FZD6: variants seen among roughly 807,000 people sequenced by gnomAD.
FZD6 encodes the protein frizzled class receptor 6, also known as frizzled-6.
A neutral mutation model predicts 61.4 loss-of-function variants in FZD6; 49 were observed. The ratio of observed to expected loss-of-function variants is 0.80; its 90% CI spans 0.63 to 1.01. The LOEUF is 1.01. Among genes scored for constraint, FZD6 ranks in the 50% least tolerant of loss-of-function variants. The pLI is 0.00. For missense variants in FZD6, 724 were observed against 848.2 expected, an observed-to-expected ratio of 0.85 and a Z score of 1.82; for synonymous variants, 265 against 292.2, an observed-to-expected ratio of 0.91 and a Z score of 0.95.
chr8:103,321,928 C>T (rs999084752), intron 3 of FZD6, among the ~76,000 whole-genome samples: 3 of 152,146 alleles, frequency 2.0e-5, no homozygotes, highest in Non-Finnish European at 4.4e-5. Context: ...ATACTTCTTT[C>T]CTTACACTCA....
At position 103,329,850 on chromosome 8, in the gene FZD6, T is replaced by C. The variant is rs1375119136; in HGVS notation, c.1737T>C (p.Asp579=). 3.7e-6 allele frequency: 6 copies of C among 1,613,944 alleles called. No homozygotes were observed. In the Admixed American group the frequency reaches 1.0e-4, roughly 27 times the overall value. ...CTGCAGTAGCAATTACTAGCCATGA[T>C]TACCTAGGACAAGAAACTTTGACAG... The part of the protein sequence containing the change: ...GTSAVAITSH[D]YLGQETLTEI... Residue 579 remains aspartate, a synonymous_variant, in exon 6 of 7, where the codon GAT becomes GAC. Coordinates refer to ENST00000358755, the MANE Select transcript of FZD6 (RefSeq NM_003506.4).
At chr8:103,328,190 C>G in intron 4 of FZD6, 78 bp from the exon 5 acceptor site, 3 of 1,067,282 alleles carry the variant, frequency 2.8e-6, no homozygotes, top group Non-Finnish European at 4.3e-6. Flanking sequence ...AACTTTTGTT[C>G]GTTTTATATT....
chr8:103,298,517 A>G (rs1814035128), upstream of FZD6: 1 of 152,242 alleles, frequency 6.6e-6, no homozygotes, highest in South Asian at 2.1e-4. Context: ...GAAATCCGCA[A>G]GGAAGTGGGT....
At chr8:103,315,479 A>G (rs1814602736) in intron 2 of FZD6, among the ~76,000 whole-genome samples, 1 of 152,212 alleles carries the variant, frequency 6.6e-6, no homozygotes, top group African/African-American at 2.4e-5. Flanking sequence ...TCACAAAACA[A>G]TGATGCTAAG....
chr8:103,306,226 T>G (rs1165784474), intron 2 of FZD6, among the ~76,000 whole-genome samples: 1 of 152,208 alleles, frequency 6.6e-6, no homozygotes, highest in Admixed American at 6.5e-5. Context: ...ATGGAAATAA[T>G]GTAAATTCCT....
chr8:103,328,248 T>A lies in FZD6; in HGVS notation c.1393-20T>A, dbSNP rs1563694348. On this transcript the variant is annotated intron_variant, in intron 4 of 6. Coordinates refer to ENST00000358755, the MANE Select transcript of FZD6 (RefSeq NM_003506.4). ...TTTAAGTGCATCACTGAAAATATTATTATTCACTATTTTTTGTAGGCAAAA... is the reference window on the plus strand; with the variant it reads ...TTTAAGTGCATCACTGAAAATATTAATATTCACTATTTTTTGTAGGCAAAA... The A allele has an allele frequency of 6.3e-7, 1 of 1,583,830 alleles. No homozygotes were observed. The highest frequency in any genetic ancestry group is 8.7e-7 in the Non-Finnish European group (1 of 1,152,630).
intron 4 of FZD6, among the ~76,000 whole-genome samples, chr8:103,327,539 T>C (rs1167017873): frequency 6.6e-6 from 1 of 152,118 alleles, no homozygotes; most frequent in African/African-American, 2.4e-5. Flanking sequence ...GAGGTTGTAG[T>C]GAGCTGAGAT....
rs1360566064 is a variant in FZD6, at chr8:103,300,246, G to A, written c.139G>A (p.Gly47Ser). Reference protein sequence around the residue: ...YNMTFFPNLMGHYDQSIAAVE... With the variant: ...YNMTFFPNLMSHYDQSIAAVE... ...CATGACGTTTTTCCCTAATCTGATG[G>A]GTCATTATGACCAGAGTATTGCCGC... is the stretch of plus-strand genomic sequence containing the variant. Residue 47 changes from glycine (G) to serine (S), a missense_variant, in exon 2 of 7, where the codon GGT (glycine) becomes AGT (serine). Coordinates refer to ENST00000358755, the MANE Select transcript of FZD6 (RefSeq NM_003506.4). 1.9e-6 allele frequency: 3 copies of A among 1,612,234 alleles called. No homozygotes were observed. In the South Asian group the frequency reaches 3.3e-5, roughly 18 times the overall value.
intron 6 of FZD6, among the ~76,000 whole-genome samples, chr8:103,330,758 T>A (rs573471895): frequency 6.6e-6 from 1 of 152,342 alleles, no homozygotes; most frequent in East Asian, 1.9e-4. Context: ...GGGAAATCAA[T>A]AAAACATTTG....
In FZD6 at chr8:103,329,763, G is replaced by A. The variant is rs1815066690; in HGVS notation, c.1650G>A (p.Lys550=). 6.2e-7 allele frequency: 1 copy of A among 1,614,020 alleles called. No individual in the cohort carries two copies. The highest frequency in any genetic ancestry group is 8.5e-7 in the Non-Finnish European group (1 of 1,179,900). The part of the protein sequence containing the change: ...KKKHYKPSSH[K]LKVISKSMGT... ...AGCACTATAAACCAAGTTCACACAAGCTGAAGGTCATTTCCAAATCCATGG... is the reference window on the plus strand; with the variant it reads ...AGCACTATAAACCAAGTTCACACAAACTGAAGGTCATTTCCAAATCCATGG... Residue 550 remains lysine (K), a synonymous_variant, in exon 6 of 7, where the codon AAG becomes AAA. Transcript: ENST00000358755.
At chr8:103,308,975 A>T (rs1335896619) in intron 2 of FZD6, among the ~76,000 whole-genome samples, 3 of 152,148 alleles carry the variant, frequency 2.0e-5, no homozygotes, top group Non-Finnish European at 4.4e-5. Flanking sequence ...TTGATAAGTT[A>T]GATTAGTGTG....
intron 4 of FZD6, 79 bp downstream of exon 4, chr8:103,325,577 T>A (rs1814930173): frequency 8.3e-7 from 1 of 1,199,570 alleles, no homozygotes; most frequent in Non-Finnish European, 1.2e-6. Flanking sequence ...TTGTCATGGA[T>A]GTAAAAGTTG....
At chr8:103,307,633 C>A in intron 2 of FZD6, 2 of 386,932 alleles carry the variant, frequency 5.2e-6, no homozygotes, top group Non-Finnish European at 1.0e-5. Flanking sequence ...ATTATTTTGC[C>A]CTGGTCATTC....
chr8:103,331,758 G>A lies in FZD6; in HGVS notation c.*249G>A. The stretch of plus-strand genomic sequence containing the variant: ...TTTTTTAATAGTGTGGGAGGACAGA[G>A]TTAGAGGAATCTTCCTTTTCTATTT... On this transcript the variant is annotated 3_prime_UTR_variant, in exon 7 of 7. Transcript: ENST00000358755. 2.4e-6 allele frequency: 1 copy of A among 417,188 alleles called. No individual in the cohort carries two copies. Among genetic ancestry groups the A allele is most frequent in the South Asian group, 2.4e-5 (1 of 41,526 alleles). 25.8% of individuals were successfully genotyped at this position (417,188 alleles called of 1,614,324 possible). A position where few individuals can be genotyped will look rare whatever the true frequency, so the allele number is the denominator to read the frequency against.
At position 103,329,785 on chromosome 8, in the gene FZD6, A is replaced by G. The variant is rs1208095664; in HGVS notation, c.1672A>G (p.Met558Val). 2 of 1,614,060 alleles carry G rather than the reference A, an allele frequency of 1.2e-6. No homozygotes were observed. Among genetic ancestry groups the G allele is most frequent in the African/African-American group, 1.3e-5 (1 of 74,946 alleles). ...CAAGCTGAAGGTCATTTCCAAATCC[A>G]TGGGAACCAGCACAGGAGCTACAGC... Reference protein sequence around the residue: ...SHKLKVISKSMGTSTGATANH... With the variant: ...SHKLKVISKSVGTSTGATANH... The change falls in exon 6 of 7, where the codon ATG becomes GTG. Residue 558 changes from methionine to valine, a missense_variant. Physicochemically the swap from Met to Val is conservative, Grantham distance 21 (BLOSUM62 1). Transcript: ENST00000358755.
In FZD6 at chr8:103,318,751, T is replaced by TAAAATGCTTGA; in HGVS notation, c.339_340insAAAATGCTTGA (p.Gly114LysfsTer26). 1 of 1,609,870 alleles carries TAAAATGCTTGA rather than the reference T, an allele frequency of 6.2e-7. No individual in the cohort carries two copies. The highest frequency in any genetic ancestry group is 1.3e-5 in the African/African-American group (1 of 74,964). On this transcript the variant is annotated frameshift_variant, in exon 3 of 7. Coordinates refer to ENST00000358755, the MANE Select transcript of FZD6 (RefSeq NM_003506.4). LOFTEE classifies it high-confidence loss of function. ...ATTGCAAAAAATTAATTGACACTTT[T>TAAAATGCTTGA]GGGATCCGATGGCCTGAGGAGCTTG... is the stretch of plus-strand genomic sequence containing the variant.
At chr8:103,325,634 C>T (rs547965066) in intron 4 of FZD6, 136 bp downstream of exon 4, 3 of 742,342 alleles carry the variant, frequency 4.0e-6, no homozygotes, top group East Asian at 2.6e-5. Flanking sequence ...ATTTCCTATA[C>T]ATCAACTGAA....
At chr8:103,316,361 C>G (rs1814627713) in intron 2 of FZD6, among the ~76,000 whole-genome samples, 4 of 152,144 alleles carry the variant, frequency 2.6e-5, no homozygotes, top group Admixed American at 2.6e-4. Flanking sequence ...CAGCCATCTG[C>G]CCTTCTGTCA....
At chr8:103,300,570 A>C (rs191034885) in intron 2 of FZD6, among the ~76,000 whole-genome samples, 2 of 152,308 alleles carry the variant, frequency 1.3e-5, no homozygotes, top group African/African-American at 4.8e-5. Context: ...TGCTTTCCTG[A>C]ATCAAGTATG....
Sources: gnomAD v4.1 joint callset for allele counts (sites outside exome capture counted in the v4.1 genomes callset) on GRCh38, gnomAD v4.1.1 for gene constraint, MANE v1.5 for transcripts, NCBI Gene and HGNC (gene_info 2026-07-23, HGNC 2026-07-21) for gene names.